WWOX: variants seen among roughly 807,000 people sequenced by gnomAD.
The protein encoded by WWOX is WW domain containing oxidoreductase, also known as WW domain-containing oxidoreductase.
A neutral mutation model predicts 46.2 loss-of-function variants in WWOX; 69 were observed. That is an observed-to-expected ratio of 1.49 (90% CI 1.23 to 1.82). The LOEUF (loss-of-function observed/expected upper bound fraction) is 1.82, where lower values mean the gene tolerates loss of function less well. Among genes scored for constraint, WWOX ranks in the 40% most tolerant of loss-of-function variants. WWOX has a pLI of 0.00. For synonymous variants in WWOX, 359 were observed against 202.6 expected (o/e 1.77, Z -6.56); for missense variants, 919 against 542.6 (o/e 1.69, Z -6.89).
At chr16:78,966,872 C>G (rs74464049) in intron 8 of WWOX, among the ~76,000 whole-genome samples, 7,469 of 152,184 alleles carry the variant, frequency 0.049, 271 homozygotes, top group Middle Eastern at 0.17. Flanking sequence ...TAATAGTTCC[C>G]ACCTCATAGA....
chr16:78,858,144 T>TTGTG (rs59637371), intron 8 of WWOX, among the ~76,000 whole-genome samples: 35,040 of 148,436 alleles, frequency 0.24, 4,423 homozygotes, highest in Middle Eastern at 0.31. Flanking sequence ...CATTGTGTGT[T>TTGTG]TGTGTGTGTG....
chr16:78,181,161 G>T (rs1886076373), intron 5 of WWOX, among the ~76,000 whole-genome samples: 1 of 152,052 alleles, frequency 6.6e-6, no homozygotes, highest in South Asian at 2.1e-4. Flanking sequence ...CACACGAAGG[G>T]GAGGTGGAGA....
chr16:78,652,181 G>T (rs1349740726), intron 8 of WWOX, among the ~76,000 whole-genome samples: 1 of 151,992 alleles, frequency 6.6e-6, no homozygotes, highest in East Asian at 1.9e-4. Context: ...GGAGGCTGAG[G>T]TGGGCAGATC....
At chr16:78,445,930 A>C (rs539154527) in intron 8 of WWOX, among the ~76,000 whole-genome samples, 180 of 152,116 alleles carry the variant, frequency 1.2e-3, no homozygotes, top group African/African-American at 4.2e-3. Context: ...AGCTTTACTT[A>C]CGTTTTTGAT....
intron 6 of WWOX, among the ~76,000 whole-genome samples, chr16:78,399,614 C>T (rs929347934): frequency 2.0e-5 from 3 of 152,076 alleles, no homozygotes; most frequent in Non-Finnish European, 1.5e-5. Flanking sequence ...AAATCCCCGG[C>T]GTCAGGGTTT....
intron 8 of WWOX, among the ~76,000 whole-genome samples, chr16:78,986,724 C>A (rs568909223): frequency 6.6e-6 from 1 of 152,248 alleles, no homozygotes; most frequent in South Asian, 2.1e-4. Context: ...AGGGTTGATG[C>A]ACATGTTGAA....
intron 8 of WWOX, among the ~76,000 whole-genome samples, chr16:78,943,468 C>T (rs974255319): frequency 3.3e-5 from 5 of 151,580 alleles, no homozygotes; most frequent in African/African-American, 1.2e-4. Context: ...GACCCAGGCA[C>T]ATAAACTTGC....
chr16:79,027,821 C>A (rs567051688), intron 8 of WWOX, among the ~76,000 whole-genome samples: 1 of 151,856 alleles, frequency 6.6e-6, no homozygotes, highest in East Asian at 1.9e-4. Flanking sequence ...TTGTGGTTGC[C>A]TAGTGTCTTC....
intron 8 of WWOX, among the ~76,000 whole-genome samples, chr16:79,174,759 C>T (rs1000645202): frequency 3.3e-5 from 5 of 152,280 alleles, no homozygotes; most frequent in African/African-American, 1.2e-4. Flanking sequence ...GAGCAGTACT[C>T]ATGGTTAATT....
At chr16:79,182,087 G>A (rs1202642077) in intron 8 of WWOX, among the ~76,000 whole-genome samples, 1 of 137,974 alleles carries the variant, frequency 7.2e-6, no homozygotes, top group African/African-American at 3.5e-5. Context: ...CTACCCAAAG[G>A]ATGATTCCTG....
At chr16:78,186,138 CTTAA>C (rs895970586) in intron 5 of WWOX, among the ~76,000 whole-genome samples, 2 of 152,140 alleles carry the variant, frequency 1.3e-5, no homozygotes, top group African/African-American at 4.8e-5. Context: ...ATAAAAAAAT[CTTAA>C]TTAACATTTT....
At chr16:78,407,361 C>G (rs143970789) in intron 6 of WWOX, among the ~76,000 whole-genome samples, 1 of 152,288 alleles carries the variant, frequency 6.6e-6, no homozygotes, top group African/African-American at 2.4e-5. Context: ...GAAAGTATTT[C>G]CTTTTACATA....
intron 5 of WWOX, among the ~76,000 whole-genome samples, chr16:78,227,837 G>A (rs35459318): frequency 0.16 from 23,800 of 152,114 alleles, 2,078 homozygotes; most frequent in Non-Finnish European, 0.2. Context: ...AGTCGTGTCA[G>A]TGCACTCCAG....
chr16:78,914,596 C>G (rs1469712696), intron 8 of WWOX, among the ~76,000 whole-genome samples: 2 of 151,770 alleles, frequency 1.3e-5, no homozygotes, highest in African/African-American at 2.4e-5. Context: ...AGAGGGAAAC[C>G]AGGCCGGGAG....
intron 8 of WWOX, among the ~76,000 whole-genome samples, chr16:79,019,187 A>AAAAAAG (rs2047480517): frequency 1.2e-5 from 1 of 81,848 alleles, no homozygotes; most frequent in Non-Finnish European, 2.3e-5. Flanking sequence ...AAAAAAAAAG[A>AAAAAAG]AAAAAAAAAG....
intron 5 of WWOX, among the ~76,000 whole-genome samples, chr16:78,363,251 G>C (rs28462109): frequency 7.9e-5 from 12 of 151,802 alleles, no homozygotes; most frequent in Admixed American, 1.3e-4. Flanking sequence ...GTTGCTTTTA[G>C]AGTATGTGCA....
chr16:78,775,643 T>C (rs997765082), intron 8 of WWOX, among the ~76,000 whole-genome samples: 1 of 152,228 alleles, frequency 6.6e-6, no homozygotes, highest in African/African-American at 2.4e-5. Context: ...TGAAAATGTC[T>C]TTCTTATAGA....
At chr16:79,052,627 T>G (rs76030352) in intron 8 of WWOX, among the ~76,000 whole-genome samples, 1 of 152,076 alleles carries the variant, frequency 6.6e-6, no homozygotes, top group African/African-American at 2.4e-5. Flanking sequence ...AAATACAGAA[T>G]GTGAGGTCCC....
intron 8 of WWOX, among the ~76,000 whole-genome samples, chr16:78,760,840 A>T (rs2049774374): frequency 6.6e-6 from 1 of 152,230 alleles, no homozygotes; most frequent in African/African-American, 2.4e-5. Context: ...AAGAGGTTTA[A>T]TGAACTCACA....
Sources: gnomAD v4.1 joint callset for allele counts (sites outside exome capture counted in the v4.1 genomes callset) on GRCh38, gnomAD v4.1.1 for gene constraint, MANE v1.5 for transcripts, NCBI Gene and HGNC (gene_info 2026-07-23, HGNC 2026-07-21) for gene names.